The following SH3GL3 variants were observed in gnomAD, a reference collection of about 807,000 sequenced individuals.
The protein encoded by SH3GL3 is endophilin-A3.
SH3GL3 carries 33 observed loss-of-function variants against 47.7 expected under a neutral mutation model. The observed-to-expected ratio is 0.69, with a 90% CI of 0.52 to 0.92. The LOEUF is 0.92. Among genes scored for constraint, SH3GL3 ranks in the 40% least tolerant of loss-of-function variants. The probability of loss-of-function intolerance (pLI) is 0.00; values close to 1 mark genes in which losing one functional copy is unlikely to be tolerated. For synonymous variants in SH3GL3, 155 were observed against 148.8 expected (o/e 1.04, Z -0.30); for missense variants, 363 against 417.8 (o/e 0.87, Z 1.14).
intron 1 of SH3GL3, among the ~76,000 whole-genome samples, chr15:83,473,374 C>T (rs72760309): frequency 0.16 from 24,955 of 151,752 alleles, 2,711 homozygotes; most frequent in South Asian, 0.45. Flanking sequence ...TCATCCTTTG[C>T]TGGTGTGGAT....
intron 1 of SH3GL3, among the ~76,000 whole-genome samples, chr15:83,461,439 A>G (rs3957526): frequency 0.31 from 46,679 of 152,088 alleles, 7,470 homozygotes; most frequent in Admixed American, 0.41. Flanking sequence ...CTTTTATTTA[A>G]AATATTGCTA....
chr15:83,553,623 G>A (rs2044778509), intron 1 of SH3GL3, among the ~76,000 whole-genome samples: 1 of 152,070 alleles, frequency 6.6e-6, no homozygotes, highest in African/African-American at 2.4e-5. Flanking sequence ...TGTGTTTTTA[G>A]GAGTTACCAT....
chr15:83,568,236 G>T (rs561396016), intron 3 of SH3GL3, among the ~76,000 whole-genome samples: 3 of 152,006 alleles, frequency 2.0e-5, no homozygotes, highest in Non-Finnish European at 2.9e-5. Flanking sequence ...TGCCGGCCTC[G>T]GCCTCCCAAA....
At chr15:83,555,489 G>A (rs901380756) in intron 1 of SH3GL3, among the ~76,000 whole-genome samples, 9 of 151,980 alleles carry the variant, frequency 5.9e-5, no homozygotes, top group African/African-American at 2.2e-4. Context: ...TAGTGATTGT[G>A]GCTTCTTCCA....
At chr15:83,541,187 T>C (rs1220090611) in intron 1 of SH3GL3, among the ~76,000 whole-genome samples, 1 of 152,174 alleles carries the variant, frequency 6.6e-6, no homozygotes, top group Non-Finnish European at 1.5e-5. Context: ...GACACTTAGA[T>C]TGATTCCAAA....
chr15:83,587,535 A>G (rs995301741), intron 7 of SH3GL3, among the ~76,000 whole-genome samples: 11 of 151,444 alleles, frequency 7.3e-5, no homozygotes, highest in Non-Finnish European at 1.6e-4. Context: ...TAAAAAAAAA[A>G]AAAAAAAAAA....
chr15:83,528,421 A>G (rs1360204754), intron 1 of SH3GL3, among the ~76,000 whole-genome samples: 1 of 152,008 alleles, frequency 6.6e-6, no homozygotes, highest in Non-Finnish European at 1.5e-5. Context: ...CATTTTCTGG[A>G]TCATCCAGAA....
chr15:83,565,256 C>A, intron 3 of SH3GL3, 50 bp downstream of exon 3: 1 of 984,018 alleles, frequency 1.0e-6, no homozygotes, highest in Non-Finnish European at 1.6e-6. Flanking sequence ...ACTCTAATAA[C>A]CCATGTTTAC....
intron 6 of SH3GL3, among the ~76,000 whole-genome samples, chr15:83,581,903 T>C (rs1041771676): frequency 6.6e-6 from 1 of 152,226 alleles, no homozygotes; most frequent in African/African-American, 2.4e-5. Flanking sequence ...GTCGTTATTC[T>C]ATAGGCAGTG....
chr15:83,572,773 C>A, intron 5 of SH3GL3, 75 bp downstream of exon 5: 2 of 1,095,978 alleles, frequency 1.8e-6, no homozygotes, highest in Non-Finnish European at 2.7e-6. Context: ...TAGAACGTTT[C>A]AGCAGACTGA....
chr15:83,579,227 C>A (rs770601538), intron 6 of SH3GL3, among the ~76,000 whole-genome samples: 4 of 152,214 alleles, frequency 2.6e-5, no homozygotes, highest in Non-Finnish European at 4.4e-5. Flanking sequence ...GGTTCCTAGC[C>A]CAAGCTCCGC....
downstream of SH3GL3, among the ~76,000 whole-genome samples, chr15:83,621,430 G>T (rs895571258): frequency 1.3e-5 from 2 of 152,100 alleles, no homozygotes; most frequent in Non-Finnish European, 2.9e-5. Flanking sequence ...GAAGCCTGAG[G>T]GGGGAATGGC....
At chr15:83,524,596 C>T (rs761237859) in intron 1 of SH3GL3, among the ~76,000 whole-genome samples, 8 of 151,930 alleles carry the variant, frequency 5.3e-5, no homozygotes, top group African/African-American at 1.5e-4. Flanking sequence ...ACTCTGTTAT[C>T]GAACATTAAA....
At chr15:83,490,911 T>C (rs1335936724) in intron 1 of SH3GL3, 6 of 1,613,756 alleles carry the variant, frequency 3.7e-6, no homozygotes, top group Non-Finnish European at 4.2e-6. Context: ...AGGTAATAAA[T>C]GGGAAAATGT....
At chr15:83,489,420 C>T (rs1273690848) in intron 1 of SH3GL3, 1 of 152,234 alleles carries the variant, frequency 6.6e-6, no homozygotes, top group Admixed American at 6.5e-5. Flanking sequence ...GTTTGCTTTT[C>T]CAGAATCTTT....
intron 8 of SH3GL3, among the ~76,000 whole-genome samples, chr15:83,595,624 T>G (rs1206886733): frequency 6.6e-6 from 1 of 151,892 alleles, no homozygotes; most frequent in African/African-American, 2.4e-5. Flanking sequence ...CCTTGTTTTT[T>G]TTTTTTTTTC....
intron 8 of SH3GL3, among the ~76,000 whole-genome samples, chr15:83,599,071 T>A (rs1391323005): frequency 6.6e-6 from 1 of 152,236 alleles, no homozygotes; most frequent in East Asian, 1.9e-4. Flanking sequence ...AAGGTAGAAT[T>A]CATTGGTGCC....
chr15:83,456,068 A>G (rs8023347), intron 1 of SH3GL3, among the ~76,000 whole-genome samples: 787 of 69,234 alleles, frequency 0.011, 10 homozygotes, highest in East Asian at 0.039. Flanking sequence ...ATACCCTGCC[A>G]TGTGAGATGT....
chr15:83,592,818 T>A (rs556163246), intron 8 of SH3GL3, among the ~76,000 whole-genome samples: 2 of 152,342 alleles, frequency 1.3e-5, no homozygotes, highest in South Asian at 4.1e-4. Context: ...ATTTATGCCA[T>A]AGATGTAGGC....
Sources: allele counts gnomAD v4.1 joint callset (sites outside exome capture counted in the v4.1 genomes callset), GRCh38; gene constraint gnomAD v4.1.1; transcripts MANE v1.5; gene names NCBI Gene and HGNC (gene_info 2026-07-23, HGNC 2026-07-21).